IGSF11: variants seen among roughly 807,000 people sequenced by gnomAD.
The protein encoded by IGSF11 is CXADR like 1.
In IGSF11, 22 loss-of-function variants were observed where a neutral mutation model predicts 41.0. That is an observed-to-expected ratio of 0.54 (90% CI 0.38 to 0.77). IGSF11 has a LOEUF of 0.77. Among genes scored for constraint, IGSF11 ranks in the 30% least tolerant of loss-of-function variants. IGSF11 has a pLI of 0.00. For missense variants in IGSF11, 444 were observed against 530.8 expected, an observed-to-expected ratio of 0.84 and a Z score of 1.61; for synonymous variants, 219 against 201.3, an observed-to-expected ratio of 1.09 and a Z score of -0.74.
intron 1 of IGSF11, among the ~76,000 whole-genome samples, chr3:119,113,446 A>G (rs2077211981): frequency 6.6e-6 from 1 of 152,244 alleles, no homozygotes; most frequent in East Asian, 1.9e-4. Flanking sequence ...TACAGGTCCC[A>G]TGGAAGTCCA....
upstream of IGSF11, among the ~76,000 whole-genome samples, chr3:119,036,578 C>T (rs763927645): frequency 3.3e-5 from 5 of 152,020 alleles, no homozygotes; most frequent in Non-Finnish European, 7.4e-5. Context: ...CTTTAAATAA[C>T]CTAATAATCT....
intron 1 of IGSF11, among the ~76,000 whole-genome samples, chr3:119,087,105 T>C (rs192991450): frequency 6.6e-6 from 1 of 152,288 alleles, no homozygotes; most frequent in East Asian, 1.9e-4. Context: ...GTTGCTATTC[T>C]TATATCAGAT....
At chr3:118,936,602 G>C (rs937306834) in intron 1 of IGSF11, among the ~76,000 whole-genome samples, 1 of 151,938 alleles carries the variant, frequency 6.6e-6, no homozygotes, top group Non-Finnish European at 1.5e-5. Context: ...TTTTGCACTT[G>C]AATCTTTTCT....
At chr3:118,913,124 G>C (rs1940556202) in intron 4 of IGSF11, among the ~76,000 whole-genome samples, 1 of 151,292 alleles carries the variant, frequency 6.6e-6, no homozygotes, top group Non-Finnish European at 1.5e-5. Flanking sequence ...AAAAAAACCA[G>C]AATGCCACAC....
Position 118,914,382 on chromosome 3 carries a change from C to A in IGSF11, c.581-8664G>T, listed in dbSNP as rs985922680. Among the ~76,000 whole-genome samples, 6 of 151,706 alleles carry A rather than the reference C, an allele frequency of 4.0e-5. 1 individual carries two copies. Among genetic ancestry groups the A allele is most frequent in the East Asian group, 2.0e-4 (1 of 5,108 alleles). On this transcript the variant is annotated intron_variant, in intron 4 of 6. Transcript: ENST00000393775. ...ACTAGGGAGTGCCAGACAGTGGGCG[C>A]AGGCCAGTGGGTGCGCGCACCGTGT...
At chr3:119,086,380 T>C (rs192396924) in intron 1 of IGSF11, among the ~76,000 whole-genome samples, 19 of 151,382 alleles carry the variant, frequency 1.3e-4, no homozygotes, top group Admixed American at 8.5e-4. Flanking sequence ...ATACAAGAAA[T>C]ACAGAAAAAC....
intron 1 of IGSF11, among the ~76,000 whole-genome samples, chr3:119,074,136 G>A (rs2076451612): frequency 6.6e-6 from 1 of 152,106 alleles, no homozygotes; most frequent in Admixed American, 6.5e-5. Context: ...AAGATATTTG[G>A]AACCTAAACT....
At chr3:119,055,367 C>A (rs949168843) in intron 1 of IGSF11, among the ~76,000 whole-genome samples, 1 of 152,068 alleles carries the variant, frequency 6.6e-6, no homozygotes, top group African/African-American at 2.4e-5. Context: ...CTAAAAGAGA[C>A]AAAGAAGGCC....
upstream of IGSF11, among the ~76,000 whole-genome samples, chr3:119,037,897 A>G (rs1022657745): frequency 6.6e-6 from 1 of 152,200 alleles, no homozygotes; most frequent in South Asian, 2.1e-4. Flanking sequence ...CTCTTCATTC[A>G]TATATATAAA....
At chr3:118,963,535 G>T (rs1165029653) in intron 1 of IGSF11, among the ~76,000 whole-genome samples, 1 of 152,134 alleles carries the variant, frequency 6.6e-6, no homozygotes, top group East Asian at 1.9e-4. Context: ...TATGTTCATA[G>T]ATAGCTAAGA....
intron 1 of IGSF11, among the ~76,000 whole-genome samples, chr3:118,966,338 T>C (rs1272810984): frequency 6.6e-6 from 1 of 152,196 alleles, no homozygotes; most frequent in East Asian, 1.9e-4. Context: ...ATGTTTTCAG[T>C]ATAAAGTCAC....
intron 1 of IGSF11, among the ~76,000 whole-genome samples, chr3:118,996,122 G>A (rs16829222): frequency 0.066 from 10,088 of 152,214 alleles, 440 homozygotes; most frequent in East Asian, 0.13. Flanking sequence ...GAAATGACTC[G>A]GTTGATAAAA....
chr3:119,036,969 G>T (rs1940938734), upstream of IGSF11, among the ~76,000 whole-genome samples: 1 of 152,206 alleles, frequency 6.6e-6, no homozygotes, highest in African/African-American at 2.4e-5. Context: ...AAGCATGAGG[G>T]CAGATGGTAG....
intron 1 of IGSF11, among the ~76,000 whole-genome samples, chr3:118,959,954 A>C (rs1214259324): frequency 2.0e-5 from 3 of 151,850 alleles, no homozygotes; most frequent in Non-Finnish European, 4.4e-5. Flanking sequence ...CTGAGGCAGG[A>C]GAATGGCGTG....
In IGSF11 at chr3:118,985,997, C is replaced by T. The variant is rs188026091; in HGVS notation, c.52+48534G>A. 3.2e-4 allele frequency among the ~76,000 whole-genome samples: 49 copies of T among 152,260 alleles called. No individual in the cohort carries two copies. In the East Asian group the frequency reaches 8.1e-3, roughly 25 times the overall value. ...ACAAAAAGGACTTCCATGGGCTGGC[C>T]ATTAACAGCTTCCCCTCCTGCCACT... On this transcript the variant is annotated intron_variant, in intron 1 of 6. Transcript: ENST00000393775.
intron 1 of IGSF11, among the ~76,000 whole-genome samples, chr3:119,016,676 G>A (rs1432386215): frequency 6.6e-6 from 1 of 152,104 alleles, no homozygotes; most frequent in East Asian, 1.9e-4. Context: ...GATAAACGTG[G>A]CATCCAAATT....
At chr3:118,949,443 C>A (rs1047472179) in intron 1 of IGSF11, 1 of 151,718 alleles carries the variant, frequency 6.6e-6, no homozygotes, top group Non-Finnish European at 1.5e-5. Context: ...TGAACATATA[C>A]AGACACAAAA....
intron 1 of IGSF11, among the ~76,000 whole-genome samples, chr3:119,069,830 T>G (rs2076367288): frequency 6.6e-6 from 1 of 152,202 alleles, no homozygotes; most frequent in Non-Finnish European, 1.5e-5. Context: ...GGAGAAAATT[T>G]TTTACTTCTC....
intron 1 of IGSF11, among the ~76,000 whole-genome samples, chr3:118,967,880 A>G (rs1168426725): frequency 2.6e-5 from 4 of 152,200 alleles, no homozygotes; most frequent in African/African-American, 9.6e-5. Context: ...GATTCCTCCC[A>G]AAGTCAGTGC....
Sources: gnomAD v4.1 joint callset for allele counts (sites outside exome capture counted in the v4.1 genomes callset) on GRCh38, gnomAD v4.1.1 for gene constraint, MANE v1.5 for transcripts, NCBI Gene and HGNC (gene_info 2026-07-23, HGNC 2026-07-21) for gene names.